The following ADAMTS9 variants were observed in gnomAD, a reference collection of about 807,000 sequenced individuals.
ADAMTS9 encodes A disintegrin and metalloproteinase with thrombospondin motifs 9.
Under a neutral mutation model 257.1 loss-of-function variants are expected in ADAMTS9, and 107 were observed. That is an observed-to-expected ratio of 0.42 (90% CI 0.36 to 0.49). ADAMTS9 has a LOEUF of 0.49. Ranked by LOEUF, ADAMTS9 falls within the 20% of genes least tolerant of loss-of-function variation. The pLI is 0.03. For synonymous variants in ADAMTS9, 982 were observed against 880.9 expected (o/e 1.11, Z -2.03); for missense variants, 2,353 against 2,469.1 (o/e 0.95, Z 1.00).
At position 64,541,962 on chromosome 3, in the gene ADAMTS9, C is replaced by T; in HGVS notation, c.5073G>A (p.Val1691=). ...WRVGNWGSCS[V]SCGVGVMQRS... ...TCTGCATCACTCCAACACCACAAGA[C>T]ACTGAGCACTGTAAGACAAATGAGA... Residue 1691 remains valine, a synonymous_variant, in exon 33 of 40, where the codon GTG becomes GTA. Transcript: ENST00000498707. 2 of 1,614,050 alleles carry T rather than the reference C, an allele frequency of 1.2e-6. No homozygotes were observed. The highest frequency in any genetic ancestry group is 1.3e-5 in the African/African-American group (1 of 75,032).
chr3:64,631,741 C>T lies in ADAMTS9; in HGVS notation c.2293+67G>A, dbSNP rs1700372168. On this transcript the variant is annotated intron_variant, in intron 15 of 39. Transcript: ENST00000498707. ...TCGACATTAATATTTTTGCATATTA[C>T]ATGTGGTTAACAATTTTCAAACTTT... 1.5e-5 allele frequency: 21 copies of T among 1,411,282 alleles called. No homozygotes were observed. In the South Asian group the frequency reaches 2.3e-4, roughly 16 times the overall value. 87.4% of individuals were successfully genotyped at this position (1,411,282 alleles called of 1,614,324 possible).
At chr3:64,667,910 A>C (rs1701388935) in intron 3 of ADAMTS9, among the ~76,000 whole-genome samples, 1 of 152,230 alleles carries the variant, frequency 6.6e-6, no homozygotes, top group Non-Finnish European at 1.5e-5. Flanking sequence ...AAAATATTTA[A>C]AGTATCTATT....
rs1239267754 is a variant in ADAMTS9, at chr3:64,601,990, G to A, written c.3971C>T (p.Thr1324Ile). 1.2e-6 allele frequency: 2 copies of A among 1,613,716 alleles called. No individual in the cohort carries two copies. The highest frequency in any genetic ancestry group is 2.2e-5 in the East Asian group (1 of 44,862). Residue 1324 changes from threonine to isoleucine, a missense_variant, in exon 26 of 40, where the codon ACC (threonine) becomes ATC (isoleucine). Around this residue, in one of 3 missense-constraint regions of ADAMTS9, gnomAD observed 1,402 missense variants for 1,441.4 expected, o/e 0.97. Coordinates refer to ENST00000498707, the MANE Select transcript of ADAMTS9 (RefSeq NM_182920.2). ...CCACTGGTTTCCACCGAGCACATGG[G>A]TGCGGCTGGGGCTGGCGCTCCGGGG... Reference protein sequence around the residue: ...YRPRSASPSRTHVLGGNQWRT... With the variant: ...YRPRSASPSRIHVLGGNQWRT...
intron 23 of ADAMTS9, 67 bp downstream of exon 23, chr3:64,606,893 A>G (rs2084564953): frequency 6.3e-7 from 1 of 1,590,092 alleles, no homozygotes; most frequent in South Asian, 1.2e-5. Context: ...AATTTTGTCT[A>G]AACAGCTGGG....
intron 37 of ADAMTS9, 78 bp from the exon 38 acceptor site, chr3:64,533,348 A>C: frequency 9.2e-7 from 1 of 1,090,444 alleles, no homozygotes; most frequent in Non-Finnish European, 1.4e-6. Flanking sequence ...GTGATACAAT[A>C]AAAGGTACTT....
chr3:64,518,536 A>T (rs762169572), intron 39 of ADAMTS9, among the ~76,000 whole-genome samples: 13 of 152,222 alleles, frequency 8.5e-5, no homozygotes, highest in Admixed American at 1.3e-4. Context: ...CCGAACTTTA[A>T]CATGCATGAC....
chr3:64,687,885 C>T lies in ADAMTS9; in HGVS notation c.-228G>A. 2.4e-6 allele frequency: 1 copy of T among 409,300 alleles called. No homozygotes were observed. Among genetic ancestry groups the T allele is most frequent in the Non-Finnish European group, 4.4e-6 (1 of 226,360 alleles). The allele number at this position is 409,300 out of a possible 1,614,324, so 25.4% of individuals were successfully genotyped here. ...TGAGCCGCTCGGGCCGCAGGAGGAG[C>T]CGGAGGAGCAGGAGGAGGAGGAGGA... is the stretch of plus-strand genomic sequence containing the variant. On this transcript the variant is annotated 5_prime_UTR_variant, in exon 1 of 40. Coordinates refer to ENST00000498707, the MANE Select transcript of ADAMTS9 (RefSeq NM_182920.2). The surrounding 1 kb of genome is among the most constrained non-coding windows in gnomAD (Gnocchi z 4.4).
chr3:64,567,037 C>T (rs1378422216), intron 29 of ADAMTS9, among the ~76,000 whole-genome samples: 1 of 152,020 alleles, frequency 6.6e-6, no homozygotes, highest in African/African-American at 2.4e-5. Context: ...CAAACAAAAC[C>T]CCCATGTTTC....
chr3:64,596,744 T>C, intron 27 of ADAMTS9, 86 bp downstream of exon 27: 1 of 1,530,010 alleles, frequency 6.5e-7, no homozygotes, highest in Non-Finnish European at 8.9e-7. Context: ...GAGCTAGTTC[T>C]TCTCCTTGAA....
chr3:64,632,935 CCT>C (rs1383659300), intron 14 of ADAMTS9, among the ~76,000 whole-genome samples: 1 of 152,100 alleles, frequency 6.6e-6, no homozygotes, highest in Non-Finnish European at 1.5e-5. Context: ...GTATCTAGCC[CCT>C]GAGAAATCAC....
chr3:64,532,794 G>C (rs1459779400), intron 38 of ADAMTS9, among the ~76,000 whole-genome samples: 1 of 152,158 alleles, frequency 6.6e-6, no homozygotes, highest in African/African-American at 2.4e-5. Context: ...ATAAAAAGAA[G>C]AGGTCATTTC....
chr3:64,561,205 C>T (rs1178565055), intron 30 of ADAMTS9: 1 of 164,186 alleles, frequency 6.1e-6, no homozygotes, highest in Non-Finnish European at 1.3e-5. Flanking sequence ...TGCCCTGCGG[C>T]TATTTAAACA....
At position 64,631,440 on chromosome 3, in the gene ADAMTS9, G is replaced by T; in HGVS notation, c.2389+15C>A. On this transcript the variant is annotated intron_variant, in intron 16 of 39. Coordinates refer to ENST00000498707, the MANE Select transcript of ADAMTS9 (RefSeq NM_182920.2). ...TAGAACCAGAACTCGCAAGTAGTGA[G>T]GCATCCCATCTCACCTAAGTAGTTG... The T allele has an allele frequency of 6.2e-7, 1 of 1,605,734 alleles. No homozygotes were observed. Among genetic ancestry groups the T allele is most frequent in the Non-Finnish European group, 8.5e-7 (1 of 1,172,426 alleles).
intron 16 of ADAMTS9, among the ~76,000 whole-genome samples, chr3:64,625,721 G>A (rs764663109): frequency 8.5e-5 from 13 of 152,140 alleles, no homozygotes; most frequent in Non-Finnish European, 1.5e-4. Flanking sequence ...GTGACACTGG[G>A]AAATGTCAAG....
chr3:64,642,132 A>G (rs1700661958), intron 11 of ADAMTS9, 139 bp from the exon 12 acceptor site: 1 of 966,832 alleles, frequency 1.0e-6, no homozygotes, highest in South Asian at 1.6e-5. Context: ...ATCTATATGA[A>G]TAATGGAAGC....
intron 12 of ADAMTS9, among the ~76,000 whole-genome samples, chr3:64,640,780 T>C (rs1700616812): frequency 6.6e-6 from 1 of 152,228 alleles, no homozygotes; most frequent in Admixed American, 6.5e-5. Flanking sequence ...AAATTGGATG[T>C]CATTTTTTAT....
chr3:64,686,100 C>A lies in ADAMTS9; in HGVS notation c.516+468G>T, dbSNP rs1701898383. 6.6e-6 allele frequency among the ~76,000 whole-genome samples: 1 copy of A among 152,210 alleles called. No homozygotes were observed. Among genetic ancestry groups the A allele is most frequent in the South Asian group, 2.1e-4 (1 of 4,836 alleles). ...CTAGATTACGCACCGCCCTCCACAA[C>A]ACACACTGAAGGAACTCCCAGTGCC... On this transcript the variant is annotated intron_variant, in intron 2 of 39. Coordinates refer to ENST00000498707, the MANE Select transcript of ADAMTS9 (RefSeq NM_182920.2). This position sits in a 1 kb window ranked among gnomAD's most constrained non-coding sequence, Gnocchi z 4.6.
Position 64,687,728 on chromosome 3 carries a change from G to C in ADAMTS9, c.-71C>G. The C allele has an allele frequency of 8.1e-7, 1 of 1,241,746 alleles. No individual in the cohort carries two copies. The highest frequency in any genetic ancestry group is 1.1e-6 in the Non-Finnish European group (1 of 922,918). 76.9% of individuals were successfully genotyped at this position (1,241,746 alleles called of 1,614,324 possible). Reference sequence around the variant, plus strand: ...TGCCCTCCTTGGCTGCGGCGGCGACGCGAGGCAGCGGCCGTGGAGAGCGCG... The same window carrying C: ...TGCCCTCCTTGGCTGCGGCGGCGACCCGAGGCAGCGGCCGTGGAGAGCGCG... On this transcript the variant is annotated 5_prime_UTR_variant, in exon 1 of 40. Coordinates refer to ENST00000498707, the MANE Select transcript of ADAMTS9 (RefSeq NM_182920.2). This position sits in a 1 kb window ranked among gnomAD's most constrained non-coding sequence, Gnocchi z 4.4.
chr3:64,652,679 G>T (rs1431396882), intron 8 of ADAMTS9, among the ~76,000 whole-genome samples: 6 of 152,058 alleles, frequency 3.9e-5, no homozygotes, highest in Admixed American at 6.6e-5. Flanking sequence ...AATGCTTATT[G>T]GACGCTTACG....
Sources: gnomAD v4.1 joint callset for allele counts (sites outside exome capture counted in the v4.1 genomes callset) on GRCh38, gnomAD v4.1.1 for gene constraint, gnomAD v4.1.1 regional missense constraint, Gnocchi (gnomAD v3.1) non-coding constraint, MANE v1.5 for transcripts, NCBI Gene and HGNC (gene_info 2026-07-23, HGNC 2026-07-21) for gene names.